CLIC5: variants seen among roughly 807,000 people sequenced by gnomAD.
CLIC5 encodes the protein chloride intracellular channel protein 5.
In CLIC5, 20 loss-of-function variants were observed where a neutral mutation model predicts 24.7. That is an observed-to-expected ratio of 0.81 (90% CI 0.57 to 1.18). The LOEUF is 1.18. CLIC5 is among the 50% of genes most tolerant of loss of function. The probability of loss-of-function intolerance (pLI) is 0.00; values close to 1 mark genes in which losing one functional copy is unlikely to be tolerated. For synonymous variants in CLIC5, 159 were observed against 135.6 expected (o/e 1.17, Z -1.20); for missense variants, 341 against 326.1 (o/e 1.05, Z -0.35).
In CLIC5 at chr6:45,987,939, C is replaced by A. The variant is rs141011616; in HGVS notation, c.63+27541G>T. ...TCAACTGCATTCTGTCCCTGGCCCC[C>A]CAAAGTTCATGGCCTTCTCACATGC... is the stretch of plus-strand genomic sequence containing the variant. On this transcript the variant is annotated intron_variant, in intron 1 of 5. Coordinates refer to ENST00000339561, the MANE Select transcript of CLIC5 (RefSeq NM_016929.5). Among the ~76,000 whole-genome samples the A allele has an allele frequency of 2.2e-4, 33 of 152,306 alleles. No individual in the cohort carries two copies. In the East Asian group the frequency reaches 4.6e-3, roughly 21 times the overall value.
intron 1 of CLIC5, among the ~76,000 whole-genome samples, chr6:45,956,661 G>C (rs2127388321): frequency 6.6e-6 from 1 of 152,178 alleles, no homozygotes; most frequent in Non-Finnish European, 1.5e-5. Context: ...CAGGGGCTCA[G>C]GTTTATAATG....
chr6:45,949,487 C>T (rs561432626), intron 2 of CLIC5, 106 bp from the exon 3 acceptor site: 17 of 1,265,256 alleles, frequency 1.3e-5, no homozygotes, highest in Non-Finnish European at 1.8e-5. Context: ...TCCAACATGC[C>T]TGTCAGGTGA....
chr6:46,086,215 G>A, the CLIC5 span, among the ~76,000 whole-genome samples: 21 of 152,234 alleles, frequency 1.4e-4, no homozygotes, highest in African/African-American at 4.3e-4. Context: ...GCAATGCCTC[G>A]CCCTGCTTCG....
Position 45,909,492 on chromosome 6 carries a change from A to C in CLIC5, c.588+4736T>G, listed in dbSNP as rs562944302. Among the ~76,000 whole-genome samples the C allele has an allele frequency of 2.0e-5, 3 of 152,216 alleles. No individual in the cohort carries two copies. In the East Asian group the frequency reaches 5.8e-4, roughly 29 times the overall value. On this transcript the variant is annotated intron_variant, in intron 5 of 5. Transcript: ENST00000339561. ...TCTAATGGTAATAAATTCCCTTAGC[A>C]CTTGCTTGTCTGGAAAAGATTTTAT...
At chr6:45,939,202 G>A (rs1764042362) in intron 4 of CLIC5, among the ~76,000 whole-genome samples, 1 of 147,616 alleles carries the variant, frequency 6.8e-6, no homozygotes, top group African/African-American at 2.5e-5. Context: ...ACATGTCTGT[G>A]TCCTCTCCTC....
intron 2 of CLIC5, among the ~76,000 whole-genome samples, chr6:45,953,929 T>A (rs1194049294): frequency 6.6e-6 from 1 of 151,864 alleles, no homozygotes. Context: ...TGGCTACTGA[T>A]CAACAATGAA....
At chr6:46,041,134 A>C (rs1170304770) in intron 1 of CLIC5, among the ~76,000 whole-genome samples, 1 of 152,230 alleles carries the variant, frequency 6.6e-6, no homozygotes, top group Non-Finnish European at 1.5e-5. Flanking sequence ...CATATGAAAA[A>C]CTATGTTAGA....
At chr6:46,047,559 C>G (rs1767986515) in intron 1 of CLIC5, among the ~76,000 whole-genome samples, 1 of 152,210 alleles carries the variant, frequency 6.6e-6, no homozygotes, top group African/African-American at 2.4e-5. Flanking sequence ...CAGAAATTCT[C>G]TCTTGTCAGG....
At chr6:45,905,249 A>G (rs1413889878) in intron 5 of CLIC5, among the ~76,000 whole-genome samples, 1 of 152,242 alleles carries the variant, frequency 6.6e-6, no homozygotes, top group Non-Finnish European at 1.5e-5. Context: ...ATAACCAGTA[A>G]TGGGATTGCT....
In CLIC5 at chr6:45,898,832, A is replaced by G. The variant is rs1762438341; in HGVS notation, c.*4256T>C. 6.6e-6 allele frequency: 1 copy of G among 152,536 alleles called. No individual in the cohort carries two copies. The allele number at this position is 152,536 out of a possible 1,614,324, so 9.4% of individuals were successfully genotyped here. On this transcript the variant is annotated 3_prime_UTR_variant, in exon 6 of 6. Transcript: ENST00000339561. The stretch of plus-strand genomic sequence containing the variant: ...TATTTTAAATATATGTATAGTCAAT[A>G]TTGTGAAATCTCTAACTCTACATAA...
intron 4 of CLIC5, among the ~76,000 whole-genome samples, chr6:45,929,229 A>G (rs1272206012): frequency 6.6e-6 from 1 of 152,182 alleles, no homozygotes; most frequent in East Asian, 1.9e-4. Context: ...TTAAATTATA[A>G]ATTGGAAGCA....
intron 5 of CLIC5, chr6:45,913,844 AC>A: frequency 8.2e-7 from 1 of 1,226,302 alleles, no homozygotes; most frequent in East Asian, 3.2e-5. Flanking sequence ...ATATGAGGGC[AC>A]ATTTAATAGA....
chr6:46,080,466 A>T, upstream of CLIC5: 1 of 525,080 alleles, frequency 1.9e-6, no homozygotes, highest in African/African-American at 1.9e-5. Flanking sequence ...ACACTCAGTT[A>T]ACTCCTTCAC....
At chr6:46,104,653 A>T in the CLIC5 span, among the ~76,000 whole-genome samples, 1 of 148,178 alleles carries the variant, frequency 6.7e-6, no homozygotes, top group African/African-American at 2.5e-5. Flanking sequence ...AGAGGCAAAG[A>T]CTCCTATGTT....
chr6:46,113,233 T>G, the CLIC5 span, among the ~76,000 whole-genome samples: 10 of 151,974 alleles, frequency 6.6e-5, no homozygotes, highest in Non-Finnish European at 1.3e-4. Context: ...GAGAGAACAT[T>G]TGTAGTGTCT....
At chr6:45,912,303 C>T in intron 5 of CLIC5, 3 of 1,004,824 alleles carry the variant, frequency 3.0e-6, no homozygotes, top group Middle Eastern at 1.0e-3. Flanking sequence ...CATTGGCCAT[C>T]TTCTTTTTGA....
At chr6:45,912,204 T>C (rs1269691682) in intron 5 of CLIC5, 9 of 987,448 alleles carry the variant, frequency 9.1e-6, no homozygotes, top group Non-Finnish European at 1.1e-5. Context: ...CTTTGTGAAC[T>C]TTAGAGGTTT....
In CLIC5 at chr6:45,971,318, T is replaced by A. The variant is rs111467556; in HGVS notation, c.64-16074A>T. 6.5e-3 allele frequency among the ~76,000 whole-genome samples: 990 copies of A among 152,300 alleles called. 9 individuals are homozygous for A. Among genetic ancestry groups the A allele is most frequent in the African/African-American group, 0.022 (924 of 41,552 alleles). The stretch of plus-strand genomic sequence containing the variant: ...AATCGTTGACAATCAACAAAGCATA[T>A]CACTTATATCTTATTTAGTTTGAAG... On this transcript the variant is annotated intron_variant, in intron 1 of 5. Coordinates refer to ENST00000339561, the MANE Select transcript of CLIC5 (RefSeq NM_016929.5).
chr6:46,126,067 G>T, the CLIC5 span, among the ~76,000 whole-genome samples: 1 of 152,078 alleles, frequency 6.6e-6, no homozygotes, highest in Non-Finnish European at 1.5e-5. Context: ...CTGATTTTAG[G>T]ATTAAAAATC....
Sources: gnomAD v4.1 joint callset for allele counts (sites outside exome capture counted in the v4.1 genomes callset) on GRCh38, gnomAD v4.1.1 for gene constraint, MANE v1.5 for transcripts, NCBI Gene and HGNC (gene_info 2026-07-23, HGNC 2026-07-21) for gene names.